MORC3: variants seen among roughly 807,000 people sequenced by gnomAD.
MORC3 encodes the protein MORC family CW-type zinc finger protein 3.
In MORC3, 31 loss-of-function variants were observed where a neutral mutation model predicts 109.1. That is an observed-to-expected ratio of 0.28 (90% CI 0.21 to 0.38). MORC3 has a LOEUF of 0.38. MORC3 is among the 10% of genes least tolerant of loss of function. The pLI is 1.00. For missense variants in MORC3, 867 were observed against 1,135.8 expected (o/e 0.76, Z 3.40); for synonymous variants, 395 against 380.7 (o/e 1.04, Z -0.44).
intron 5 of MORC3, among the ~76,000 whole-genome samples, chr21:36,340,766 G>A (rs971835292): frequency 2.6e-5 from 4 of 151,474 alleles, no homozygotes; most frequent in African/African-American, 9.7e-5. Context: ...CCTCCCGTGT[G>A]GCTGGGATTA....
At chr21:36,331,839 A>G (rs1422481047) in intron 1 of MORC3, among the ~76,000 whole-genome samples, 1 of 152,160 alleles carries the variant, frequency 6.6e-6, no homozygotes, top group Non-Finnish European at 1.5e-5. Context: ...TGAGCAAAGA[A>G]TGATTCAAGA....
At chr21:36,363,516 G>A (rs1335755242) in intron 13 of MORC3, among the ~76,000 whole-genome samples, 1 of 152,174 alleles carries the variant, frequency 6.6e-6, no homozygotes, top group African/African-American at 2.4e-5. Context: ...ATTGTGCTCA[G>A]AACTCTTATA....
At chr21:36,368,009 C>A (rs541534164) in intron 14 of MORC3, among the ~76,000 whole-genome samples, 1 of 152,218 alleles carries the variant, frequency 6.6e-6, no homozygotes, top group Non-Finnish European at 1.5e-5. Context: ...AGGCTGTGCT[C>A]GCCCAATATG....
At chr21:36,350,895 T>C (rs1237739191) in intron 9 of MORC3, among the ~76,000 whole-genome samples, 1 of 152,128 alleles carries the variant, frequency 6.6e-6, no homozygotes, top group Non-Finnish European at 1.5e-5. Context: ...ACATGTGATA[T>C]TTTGATACAA....
chr21:36,323,421 G>C (rs1163596635), intron 1 of MORC3, among the ~76,000 whole-genome samples: 2 of 152,134 alleles, frequency 1.3e-5, no homozygotes, highest in East Asian at 3.8e-4. Context: ...TGAGCAGATA[G>C]ATAAATAAAA....
intron 1 of MORC3, 121 bp from the exon 2 acceptor site, chr21:36,333,525 G>A: frequency 1.4e-6 from 1 of 737,824 alleles, no homozygotes; most frequent in Non-Finnish European, 2.3e-6. Flanking sequence ...GTATCCTGGA[G>A]CAAGCAGCTA....
rs1197314959 is a variant in MORC3 at position 36,333,792 on chromosome 21, T to TC, written c.112+74_112+75insC. On this transcript the variant is annotated intron_variant, in intron 2 of 16. Coordinates refer to ENST00000400485, the MANE Select transcript of MORC3 (RefSeq NM_015358.3). ...GTTTTTTTTTTTGTTTTGTTTTGTTTTTTTTTTTTAAACAGAGTCTCTCTC... is the reference window on the plus strand; with the variant it reads ...GTTTTTTTTTTTGTTTTGTTTTGTTTCTTTTTTTTTAAACAGAGTCTCTCTC... 6 of 1,288,948 alleles carry TC rather than the reference T, an allele frequency of 4.7e-6. No homozygotes were observed. In the African/African-American group the frequency reaches 7.7e-5, roughly 16 times the overall value. 79.8% of individuals were successfully genotyped at this position (1,288,948 alleles called of 1,614,324 possible).
intron 9 of MORC3, among the ~76,000 whole-genome samples, chr21:36,351,128 C>T (rs1470458672): frequency 2.0e-5 from 3 of 148,102 alleles, no homozygotes; most frequent in Non-Finnish European, 3.0e-5. Context: ...GCAGTGGCCC[C>T]CAGGTCTTAG....
At position 36,360,278 on chromosome 21, in the gene MORC3, A is replaced by G. The variant is rs1416668870; in HGVS notation, c.1406+20A>G. The G allele has an allele frequency of 6.9e-6, 11 of 1,595,858 alleles. No individual in the cohort carries two copies. Among genetic ancestry groups the G allele is most frequent in the East Asian group, 2.2e-5 (1 of 44,770 alleles). ...AAAGACGTGAGTGTTGTATTGATGT[A>G]TAGTGGGTAATAATGCCCAGATCAT... On this transcript the variant is annotated intron_variant, in intron 12 of 16. Transcript: ENST00000400485.
At chr21:36,320,357 A>T in intron 1 of MORC3, 54 bp downstream of exon 1, 5 of 1,239,344 alleles carry the variant, frequency 4.0e-6, no homozygotes, top group Non-Finnish European at 5.2e-6. Flanking sequence ...CGGGCGGGCA[A>T]GCGAAGGGGG....
chr21:36,333,533 C>A, intron 1 of MORC3, 113 bp from the exon 2 acceptor site: 1 of 789,756 alleles, frequency 1.3e-6, no homozygotes, highest in South Asian at 1.5e-5. Context: ...GAGCAAGCAG[C>A]TAAGTCACTT....
intron 2 of MORC3, among the ~76,000 whole-genome samples, chr21:36,336,363 C>G (rs949339158): frequency 6.6e-6 from 1 of 152,086 alleles, no homozygotes. Context: ...CTGTCTTAGC[C>G]TCTGGATTAG....
Position 36,369,883 on chromosome 21 carries a change from T to G in MORC3, c.2508+7T>G. On this transcript the variant is annotated splice_region_variant and intron_variant, in intron 15 of 16. Transcript: ENST00000400485. Reference sequence around the variant, plus strand: ...GGACCAGTATAAAAGTGAGGTGAGTTATATCATCCAACATGTAGTCATGGA... The same window carrying G: ...GGACCAGTATAAAAGTGAGGTGAGTGATATCATCCAACATGTAGTCATGGA... The G allele has an allele frequency of 6.4e-7, 1 of 1,557,244 alleles. No homozygotes were observed.
intron 9 of MORC3, among the ~76,000 whole-genome samples, chr21:36,352,566 A>T (rs1379459121): frequency 6.6e-6 from 1 of 152,160 alleles, no homozygotes; most frequent in Non-Finnish European, 1.5e-5. Context: ...CTGAAATCCA[A>T]GGTACTTTCA....
At chr21:36,340,770 G>A (rs1200636187) in intron 5 of MORC3, among the ~76,000 whole-genome samples, 4 of 151,846 alleles carry the variant, frequency 2.6e-5, no homozygotes. Context: ...CCGTGTGGCT[G>A]GGATTATAGG....
At chr21:36,366,807 G>C (rs1370583811) in intron 14 of MORC3, among the ~76,000 whole-genome samples, 1 of 152,206 alleles carries the variant, frequency 6.6e-6, no homozygotes, top group Non-Finnish European at 1.5e-5. Flanking sequence ...AAAGTTTGTG[G>C]AAAGGGTGTA....
At chr21:36,368,353 A>G (rs2085804435) in intron 14 of MORC3, among the ~76,000 whole-genome samples, 1 of 149,106 alleles carries the variant, frequency 6.7e-6, no homozygotes, top group Admixed American at 6.7e-5. Context: ...AATACAAAGA[A>G]GGGGCCGGGG....
intron 5 of MORC3, 74 bp from the exon 6 acceptor site, chr21:36,341,325 A>G: frequency 7.2e-7 from 1 of 1,382,044 alleles, no homozygotes; most frequent in Admixed American, 2.3e-5. Flanking sequence ...TACCTTTTTA[A>G]TGACTTACAG....
intron 6 of MORC3, 89 bp from the exon 7 acceptor site, chr21:36,344,490 A>G (rs1483572822): frequency 2.9e-6 from 4 of 1,394,074 alleles, no homozygotes; most frequent in South Asian, 1.4e-5. Flanking sequence ...TCTTTTATCA[A>G]GTTAATAGGA....
Sources: allele counts gnomAD v4.1 joint callset (sites outside exome capture counted in the v4.1 genomes callset), GRCh38; gene constraint gnomAD v4.1.1; transcripts MANE v1.5; gene names NCBI Gene and HGNC (gene_info 2026-07-23, HGNC 2026-07-21).